FGD3: variants seen among roughly 807,000 people sequenced by gnomAD.
FGD3 encodes the protein FYVE, RhoGEF and PH domain-containing protein 3.
FGD3 carries 45 observed loss-of-function variants against 71.8 expected under a neutral mutation model. That is an observed-to-expected ratio of 0.63 (90% confidence interval 0.49 to 0.80). FGD3 has a LOEUF of 0.80. FGD3 is among the 30% of genes least tolerant of loss of function. FGD3 has a pLI of 0.00. For synonymous variants in FGD3, 378 were observed against 392.8 expected (o/e 0.96, Z 0.44); for missense variants, 844 against 951.5 (o/e 0.89, Z 1.49).
intron 3 of FGD3, among the ~76,000 whole-genome samples, chr9:92,985,144 G>A (rs563019848): frequency 1.6e-4 from 24 of 152,340 alleles, no homozygotes; most frequent in African/African-American, 4.3e-4. Context: ...GTTTCCTCCC[G>A]TTTGTCCCAC....
At chr9:92,998,288 C>T (rs1392860297) in intron 3 of FGD3, among the ~76,000 whole-genome samples, 7 of 152,256 alleles carry the variant, frequency 4.6e-5, no homozygotes, top group East Asian at 3.9e-4. Context: ...GCATGCGTCA[C>T]GTAGTTCTCC....
At chr9:93,015,678 G>A (rs547511050) in intron 9 of FGD3, 59 bp from the exon 10 acceptor site, 1 of 1,382,030 alleles carries the variant, frequency 7.2e-7, no homozygotes, top group Non-Finnish European at 1.0e-6. Context: ...AGCTCACTGG[G>A]GCCCCTGGGG....
At chr9:92,994,337 GT>G (rs1860544740) in intron 3 of FGD3, among the ~76,000 whole-genome samples, 1 of 150,714 alleles carries the variant, frequency 6.6e-6, no homozygotes, top group African/African-American at 2.4e-5. Context: ...TTGTAAATTT[GT>G]TTAAGTTCAT....
chr9:93,011,811 G>A (rs529641493), intron 8 of FGD3, among the ~76,000 whole-genome samples: 57 of 150,770 alleles, frequency 3.8e-4, no homozygotes, highest in South Asian at 1.9e-3. Context: ...AGCCGAGATC[G>A]TGCCACTGCA....
At chr9:93,028,224 A>ACACT (rs1862207156) in intron 14 of FGD3, among the ~76,000 whole-genome samples, 1 of 146,954 alleles carries the variant, frequency 6.8e-6, no homozygotes, top group Admixed American at 6.8e-5. Context: ...ACACGCACAC[A>ACACT]CACACACACA....
chr9:92,996,047 G>A (rs1357606165), intron 3 of FGD3, among the ~76,000 whole-genome samples: 1 of 152,182 alleles, frequency 6.6e-6, no homozygotes, highest in Non-Finnish European at 1.5e-5. Context: ...GTTTCAGAAG[G>A]AATGGTACCA....
intron 1 of FGD3, among the ~76,000 whole-genome samples, chr9:92,966,214 G>A (rs955285006): frequency 3.3e-5 from 5 of 152,192 alleles, no homozygotes; most frequent in African/African-American, 4.8e-5. Flanking sequence ...AGCCTGCCAC[G>A]GTTTCATCTG....
At chr9:93,030,101 C>CTTCCG in intron 15 of FGD3, 105 bp downstream of exon 15, 5 of 1,386,282 alleles carry the variant, frequency 3.6e-6, no homozygotes, top group African/African-American at 1.4e-5. Flanking sequence ...CACACCAGCC[C>CTTCCG]TGCACGGAAG....
At chr9:92,990,055 T>G (rs1350006733) in intron 3 of FGD3, among the ~76,000 whole-genome samples, 2 of 152,154 alleles carry the variant, frequency 1.3e-5, no homozygotes, top group Non-Finnish European at 2.9e-5. Context: ...CTACTGTTGT[T>G]CGTATATTGA....
chr9:92,964,056 C>G (rs867424522), intron 1 of FGD3: 1 of 152,426 alleles, frequency 6.6e-6, no homozygotes, highest in Admixed American at 6.5e-5. Context: ...GTTGTGGGTC[C>G]TCTGTGAGCA....
At chr9:92,966,695 G>A (rs1054540044) in intron 1 of FGD3, among the ~76,000 whole-genome samples, 15 of 152,174 alleles carry the variant, frequency 9.9e-5, no homozygotes, top group African/African-American at 3.6e-4. Context: ...AGGAAGGAGG[G>A]CAAGAGTGTG....
chr9:92,977,490 A>T (rs1859808874), intron 3 of FGD3, among the ~76,000 whole-genome samples: 1 of 152,064 alleles, frequency 6.6e-6, no homozygotes, highest in Admixed American at 6.6e-5. Flanking sequence ...TTGCTGGCTG[A>T]CACGGGGACC....
chr9:92,977,546 C>T (rs1859812223), intron 3 of FGD3, among the ~76,000 whole-genome samples: 1 of 152,010 alleles, frequency 6.6e-6, no homozygotes, highest in Admixed American at 6.6e-5. Flanking sequence ...GGTGCCTGGA[C>T]CACTGTGAGC....
intron 5 of FGD3, among the ~76,000 whole-genome samples, chr9:93,004,510 T>C (rs761334578): frequency 7.9e-5 from 12 of 152,190 alleles, no homozygotes; most frequent in Non-Finnish European, 1.2e-4. Flanking sequence ...ATGCTGTTTT[T>C]CCCTCTCAAC....
intron 9 of FGD3, 107 bp downstream of exon 9, chr9:93,014,105 G>C: frequency 7.2e-7 from 1 of 1,391,428 alleles, no homozygotes. Flanking sequence ...TGGCTCTTCT[G>C]TGGCCTCTCC....
intron 14 of FGD3, among the ~76,000 whole-genome samples, chr9:93,024,279 C>T (rs575321177): frequency 3.3e-5 from 5 of 152,352 alleles, no homozygotes; most frequent in African/African-American, 1.2e-4. Flanking sequence ...GACACACAAT[C>T]GCAGGGTCAC....
Position 93,010,150 on chromosome 9 carries a change from C to A in FGD3, c.838-96C>A, listed in dbSNP as rs537346110. The A allele has an allele frequency of 2.7e-5, 39 of 1,463,820 alleles. 1 individual carries two copies. In the Admixed American group the frequency reaches 5.9e-4, roughly 22 times the overall value. 90.7% of individuals were successfully genotyped at this position (1,463,820 alleles called of 1,614,324 possible). ...ACAGTCAGTTCTGGGCAGCCAGTTC[C>A]GGGCAGCTTCCTGGGGCTGTGGTGG... On this transcript the variant is annotated intron_variant, in intron 6 of 17. Coordinates refer to ENST00000375482, the MANE Select transcript of FGD3 (RefSeq NM_001083536.2).
rs561453419 is a variant in FGD3 at position 92,987,425 on chromosome 9, C to T, written c.453+10716C>T. 5.4e-3 allele frequency among the ~76,000 whole-genome samples: 639 copies of T among 117,662 alleles called. 7 individuals are homozygous for T. Among genetic ancestry groups the T allele is most frequent in the African/African-American group, 0.021 (615 of 29,202 alleles). The allele number at this position is 117,662 out of a possible 152,430, so 77.2% of individuals were successfully genotyped here. A position where few individuals can be genotyped will look rare whatever the true frequency, so the allele number is the denominator to read the frequency against. The stretch of plus-strand genomic sequence containing the variant: ...CCAGCCTGGACGACAGAGCGAGACT[C>T]TGTCTCAAAAAAAAAAAAAAGAAAG... On this transcript the variant is annotated intron_variant, in intron 3 of 17. Coordinates refer to ENST00000375482, the MANE Select transcript of FGD3 (RefSeq NM_001083536.2).
intron 1 of FGD3, among the ~76,000 whole-genome samples, chr9:92,963,135 G>C (rs1859204664): frequency 6.6e-6 from 1 of 151,804 alleles, no homozygotes; most frequent in South Asian, 2.1e-4. Flanking sequence ...TGGGAGGGAG[G>C]GGCACACCAC....
Sources: gnomAD v4.1 joint callset for allele counts (sites outside exome capture counted in the v4.1 genomes callset) on GRCh38, gnomAD v4.1.1 for gene constraint, MANE v1.5 for transcripts, NCBI Gene and HGNC (gene_info 2026-07-23, HGNC 2026-07-21) for gene names.